Variants in PRPF40B observed in about 807,000 individuals in gnomAD.
PRPF40B encodes the protein pre-mRNA processing factor 40B.
Under a neutral mutation model 124.5 loss-of-function variants are expected in PRPF40B, and 56 were observed. The observed-to-expected ratio is 0.45, with a 90% CI of 0.36 to 0.56. The LOEUF (loss-of-function observed/expected upper bound fraction) is 0.56, where lower values mean the gene tolerates loss of function less well. Among genes scored for constraint, PRPF40B ranks in the 20% least tolerant of loss-of-function variants. The pLI, the probability that PRPF40B is intolerant of heterozygous loss-of-function variation, is 0.00. For synonymous variants in PRPF40B, 443 were observed against 426.4 expected (o/e 1.04, Z -0.48); for missense variants, 1,053 against 1,169.5 (o/e 0.90, Z 1.45).
chr12:49,631,406 C>A lies in PRPF40B; in HGVS notation c.90C>A (p.Pro30=). 6.7e-7 allele frequency: 1 copy of A among 1,496,838 alleles called. No individual in the cohort carries two copies. Among genetic ancestry groups the A allele is most frequent in the Non-Finnish European group, 8.9e-7 (1 of 1,125,828 alleles). The allele number at this position is 1,496,838 out of a possible 1,614,324, so 92.7% of individuals were successfully genotyped here. Residue 30 remains proline (P), a synonymous_variant, in exon 3 of 26, where the codon CCC becomes CCA. Transcript: ENST00000548825. The surrounding 1 kb of genome is among the most constrained non-coding windows in gnomAD (Gnocchi z 4.3). The stretch of plus-strand genomic sequence containing the variant: ...CTTCCTTTACTCATTTCCAGATGCC[C>A]CCTCCAGGGATCCCCCCACCCTTTC... ...GPPMMPPPFM[P]PPGIPPPFPP... is the part of the protein sequence containing the mutation.
At chr12:49,634,218 C>T in intron 10 of PRPF40B, 114 bp from the exon 11 acceptor site, 1 of 1,585,310 alleles carries the variant, frequency 6.3e-7, no homozygotes, top group East Asian at 2.2e-5. Flanking sequence ...CTCTGAAGGG[C>T]AGAAAAAGGC....
At chr12:49,636,578 C>A in intron 15 of PRPF40B, 138 bp from the exon 16 acceptor site, 1 of 1,093,124 alleles carries the variant, frequency 9.1e-7, no homozygotes, top group Non-Finnish European at 1.3e-6. Flanking sequence ...TCCCACAGAG[C>A]CCCCTCCAGG....
intron 18 of PRPF40B, chr12:49,639,058 C>T (rs1375490820): frequency 6.6e-6 from 1 of 152,220 alleles, no homozygotes; most frequent in Non-Finnish European, 1.5e-5. Context: ...TCTGGAACCA[C>T]ATGCCCCAGC....
intron 8 of PRPF40B, 21 bp from the exon 9 acceptor site, chr12:49,633,616 T>C: frequency 6.2e-7 from 1 of 1,614,196 alleles, no homozygotes; most frequent in Middle Eastern, 1.7e-4. Flanking sequence ...TGACTGACTG[T>C]GTTATCTTTT....
At chr12:49,641,300 C>T (rs529462601) in intron 18 of PRPF40B, 1 of 152,388 alleles carries the variant, frequency 6.6e-6, no homozygotes, top group South Asian at 2.1e-4. Flanking sequence ...TGCTTGAAAG[C>T]AGACACTTTG....
chr12:49,623,332 GTGCC>G (rs1940366621), upstream of PRPF40B: 1 of 181,176 alleles, frequency 5.5e-6, no homozygotes, highest in African/African-American at 2.4e-5. Context: ...GGGAGCAGGC[GTGCC>G]CCGCCCCCCG....
At chr12:49,623,359 G>A (rs138529836), upstream of PRPF40B, 3,699 of 210,916 alleles carry the variant, frequency 0.018, 61 homozygotes, top group East Asian at 0.058. Flanking sequence ...GGGCGGACCC[G>A]GGACGCGGCG....
Position 49,642,216 on chromosome 12 carries a change from G to A in PRPF40B, c.1885-19G>A, listed in dbSNP as rs369486822. 7.4e-5 allele frequency: 120 copies of A among 1,614,096 alleles called. No homozygotes were observed. The highest frequency in any genetic ancestry group is 2.7e-4 in the South Asian group (25 of 91,086). ...CCACCCTCCTGGGTGACCCTGTTCC[G>A]TGTCCCTTCTTTCCTCAGCTGCTGG... On this transcript the variant is annotated intron_variant, in intron 19 of 25. Coordinates refer to ENST00000548825, the MANE Select transcript of PRPF40B (RefSeq NM_001031698.3). This position sits in a 1 kb window ranked among gnomAD's most constrained non-coding sequence, Gnocchi z 5.8.
chr12:49,636,038 A>G, intron 15 of PRPF40B, 45 bp downstream of exon 15: 1 of 1,607,722 alleles, frequency 6.2e-7, no homozygotes, highest in Non-Finnish European at 8.5e-7. Flanking sequence ...CCCTTTCTTT[A>G]CTGGACCTGG....
Position 49,642,128 on chromosome 12 carries a change from G to A in PRPF40B, c.1884+104G>A, listed in dbSNP as rs1046850383. 7 of 1,603,642 alleles carry A rather than the reference G, an allele frequency of 4.4e-6. No individual in the cohort carries two copies. The Admixed American group carries it at 1.2e-4, about 27-fold the overall frequency. Reference sequence around the variant, plus strand: ...TGACTATATTCCCAATTCAGGGGATGGTGGTAGAAGCCCAGACCCTAACTT... The same window carrying A: ...TGACTATATTCCCAATTCAGGGGATAGTGGTAGAAGCCCAGACCCTAACTT... On this transcript the variant is annotated intron_variant, in intron 19 of 25. Coordinates refer to ENST00000548825, the MANE Select transcript of PRPF40B (RefSeq NM_001031698.3). This position sits in a 1 kb window ranked among gnomAD's most constrained non-coding sequence, Gnocchi z 5.8.
At chr12:49,637,677 C>G in intron 17 of PRPF40B, 56 bp from the exon 18 acceptor site, 2 of 1,508,882 alleles carry the variant, frequency 1.3e-6, no homozygotes, top group South Asian at 1.2e-5. Flanking sequence ...CTCGGCCCAG[C>G]CCCCAGGCCT....
At chr12:49,632,284 G>T in intron 4 of PRPF40B, 1 of 574,968 alleles carries the variant, frequency 1.7e-6, no homozygotes, top group Non-Finnish European at 3.1e-6. Context: ...GCCTTCTTAT[G>T]CTATCGCTCA....
Position 49,635,564 on chromosome 12 carries a change from T to G in PRPF40B, c.1275+91T>G. The G allele has an allele frequency of 1.6e-6, 2 of 1,260,476 alleles. No homozygotes were observed. Among genetic ancestry groups the G allele is most frequent in the Non-Finnish European group, 2.2e-6 (2 of 901,256 alleles). The allele number at this position is 1,260,476 out of a possible 1,614,324, so 78.1% of individuals were successfully genotyped here. A position where few individuals can be genotyped will look rare whatever the true frequency, so the allele number is the denominator to read the frequency against. On this transcript the variant is annotated intron_variant, in intron 14 of 25. Coordinates refer to ENST00000548825, the MANE Select transcript of PRPF40B (RefSeq NM_001031698.3). The surrounding 1 kb of genome is among the most constrained non-coding windows in gnomAD (Gnocchi z 4.1). Reference sequence around the variant, plus strand: ...TATGGACCCTCGCCATTTACTTCTCTACTTCCCCAGTGTCCCAGCTTCTGA... The same window carrying G: ...TATGGACCCTCGCCATTTACTTCTCGACTTCCCCAGTGTCCCAGCTTCTGA...
Position 49,635,166 on chromosome 12 carries a change from GAGA to G in PRPF40B, c.1072_1074del (p.Lys358del), listed in dbSNP as rs1565834132. ...CTACAAGGCGCAGCGGGAGAAGGAG[GAGA>G]AGGAGGAGGCCCGGCTAAGGGCCAA... On this transcript the variant is annotated inframe_deletion, in exon 13 of 26. Transcript: ENST00000548825. The surrounding 1 kb of genome is among the most constrained non-coding windows in gnomAD (Gnocchi z 4.1). The G allele has an allele frequency of 6.2e-7, 1 of 1,614,122 alleles. No homozygotes were observed.
In PRPF40B at chr12:49,635,810, G is replaced by A. The variant is rs1323518453; in HGVS notation, c.1276-33G>A. ...AGGCCTACTTGGGTAGCTCTGGCCT[G>A]CCCTGCCTCACCCTGATCCTGTGGC... On this transcript the variant is annotated intron_variant, in intron 14 of 25. Transcript: ENST00000548825. The surrounding 1 kb of genome is among the most constrained non-coding windows in gnomAD (Gnocchi z 4.1). The A allele has an allele frequency of 4.3e-6, 7 of 1,610,946 alleles. No homozygotes were observed. Among genetic ancestry groups the A allele is most frequent in the Non-Finnish European group, 5.9e-6 (7 of 1,178,686 alleles).
At chr12:49,622,728 G>A (rs1448239137), upstream of PRPF40B, 2 of 152,254 alleles carry the variant, frequency 1.3e-5, no homozygotes, top group Non-Finnish European at 2.9e-5. Flanking sequence ...CGCGAGTCCC[G>A]GCTCAGGTGA....
intron 2 of PRPF40B, among the ~76,000 whole-genome samples, chr12:49,630,970 C>T (rs920349699): frequency 1.5e-4 from 23 of 152,126 alleles, no homozygotes; most frequent in South Asian, 4.1e-4. Flanking sequence ...CCACAGAATT[C>T]GGGCTGGAAT....
chr12:49,623,303 C>T (rs1940363763), upstream of PRPF40B: 2 of 171,836 alleles, frequency 1.2e-5, no homozygotes, highest in African/African-American at 2.4e-5. Flanking sequence ...GCGCCGGCCC[C>T]CGACCGTCAG....
In PRPF40B at chr12:49,633,648, C is replaced by T; in HGVS notation, c.592C>T (p.Gln198Ter). 2 of 1,614,212 alleles carry T rather than the reference C, an allele frequency of 1.2e-6. No homozygotes were observed. Among genetic ancestry groups the T allele is most frequent in the Non-Finnish European group, 1.7e-6 (2 of 1,180,036 alleles). Residue 198 changes from glutamine (Q) to a stop codon, truncating the protein, a stop_gained, in exon 9 of 26, where the codon CAA (glutamine) becomes TAA (stop). Transcript: ENST00000548825. LOFTEE classifies it high-confidence loss of function. ...DLDDLEVLVK[Q>*]EAAGKQQQQL... ...TTTTCCCATCACAGTTCTAGTCAAA[C>T]AAGAGGCTGCAGGGTGAGTGACTTG... is the stretch of plus-strand genomic sequence containing the variant.
Sources: gnomAD v4.1 joint callset for allele counts (sites outside exome capture counted in the v4.1 genomes callset) on GRCh38, gnomAD v4.1.1 for gene constraint, Gnocchi (gnomAD v3.1) non-coding constraint, MANE v1.5 for transcripts, NCBI Gene and HGNC (gene_info 2026-07-23, HGNC 2026-07-21) for gene names.